The following TRAIP variants were observed in gnomAD, a reference collection of about 807,000 sequenced individuals.
TRAIP encodes the protein E3 ubiquitin-protein ligase TRAIP.
A neutral mutation model predicts 65.0 loss-of-function variants in TRAIP; 37 were observed. The observed-to-expected ratio is 0.57, with a 90% CI of 0.44 to 0.75. TRAIP has a LOEUF of 0.75. Ranked by LOEUF, TRAIP falls within the 30% of genes least tolerant of loss-of-function variation. TRAIP has a pLI of 0.00. For synonymous variants in TRAIP, 187 were observed against 219.1 expected (o/e 0.85, Z 1.29); for missense variants, 481 against 579.4 (o/e 0.83, Z 1.74).
At chr3:49,838,849 G>A (rs887828924) in intron 10 of TRAIP, among the ~76,000 whole-genome samples, 19 of 150,216 alleles carry the variant, frequency 1.3e-4, no homozygotes, top group Non-Finnish European at 1.5e-5. Flanking sequence ...TCGCACCACT[G>A]TACTCCAGTC....
intron 1 of TRAIP, among the ~76,000 whole-genome samples, chr3:49,851,515 A>C (rs930438617): frequency 6.6e-6 from 1 of 152,026 alleles, no homozygotes; most frequent in African/African-American, 2.4e-5. Context: ...CAGCCTTGCA[A>C]GTAGTTGGGA....
At chr3:49,854,136 G>T (rs951748778) in intron 1 of TRAIP, among the ~76,000 whole-genome samples, 11 of 152,264 alleles carry the variant, frequency 7.2e-5, no homozygotes, top group Admixed American at 3.3e-4. Context: ...AAACCAGCCT[G>T]GGCAGCATGG....
At chr3:49,836,055 C>A (rs1237984520) in intron 10 of TRAIP, among the ~76,000 whole-genome samples, 1 of 151,782 alleles carries the variant, frequency 6.6e-6, no homozygotes. Flanking sequence ...CTCCACCTCC[C>A]AGATTCAAGC....
chr3:49,841,953 C>G lies in TRAIP; in HGVS notation c.504-14G>C, dbSNP rs761179044. The G allele has an allele frequency of 6.2e-7, 1 of 1,609,204 alleles. No homozygotes were observed. The highest frequency in any genetic ancestry group is 1.3e-5 in the African/African-American group (1 of 74,788). On this transcript the variant is annotated splice_polypyrimidine_tract_variant and intron_variant, in intron 6 of 14. Transcript: ENST00000331456. ...AGAAGCTCAATCCTGAAAAATACAC[C>G]CAGCCCACGGCATTTGCAATCTGGA...
intron 10 of TRAIP, among the ~76,000 whole-genome samples, chr3:49,832,276 C>T (rs975760715): frequency 3.9e-5 from 6 of 152,050 alleles, no homozygotes; most frequent in South Asian, 4.1e-4. Flanking sequence ...GTGGATCAAG[C>T]GGTCAAGAGA....
chr3:49,848,280 A>G (rs1187594578), intron 1 of TRAIP, 80 bp from the exon 2 acceptor site: 6 of 1,486,188 alleles, frequency 4.0e-6, no homozygotes, highest in African/African-American at 1.4e-5. Flanking sequence ...TCTGACCACG[A>G]AAGGGTCTGT....
chr3:49,831,874 C>A, intron 11 of TRAIP, 42 bp downstream of exon 11: 1 of 1,492,936 alleles, frequency 6.7e-7, no homozygotes, highest in Non-Finnish European at 9.0e-7. Context: ...TCTTAGCTAT[C>A]CCCCTACCAG....
Position 49,836,952 on chromosome 3 carries a change from CTTTTTTTTTTTT to C in TRAIP, c.884+2808_884+2819del, listed in dbSNP as rs397875517. 8.4e-5 allele frequency among the ~76,000 whole-genome samples: 7 copies of C among 83,230 alleles called. No homozygotes were observed. In the South Asian group the frequency reaches 1.1e-3, roughly 13 times the overall value. 54.6% of individuals were successfully genotyped at this position (83,230 alleles called of 152,430 possible). A position where few individuals can be genotyped will look rare whatever the true frequency, so the allele number is the denominator to read the frequency against. On this transcript the variant is annotated intron_variant, in intron 10 of 14. Coordinates refer to ENST00000331456, the MANE Select transcript of TRAIP (RefSeq NM_005879.3). ...TACTCTTCCATCTTCCTTGACATGA[CTTTTTTTTTTTT>C]TTTTTTTTTTTTGAGACAGGTCTCA... is the stretch of plus-strand genomic sequence containing the variant.
At chr3:49,843,767 A>G (rs756893209) in intron 5 of TRAIP, 34 bp downstream of exon 5, 17 of 1,598,178 alleles carry the variant, frequency 1.1e-5, no homozygotes, top group African/African-American at 1.3e-5. Context: ...ATACCTCCCT[A>G]TGAATTCTGT....
At chr3:49,846,822 C>T (rs772514047) in intron 3 of TRAIP, among the ~76,000 whole-genome samples, 4 of 152,166 alleles carry the variant, frequency 2.6e-5, no homozygotes, top group East Asian at 1.9e-4. Flanking sequence ...GAGGATTGCT[C>T]GAGCCCAAGA....
Position 49,832,008 on chromosome 3 carries a change from A to C in TRAIP, c.945T>G (p.Asp315Glu), listed in dbSNP as rs376933772. 4 of 1,607,630 alleles carry C rather than the reference A, an allele frequency of 2.5e-6. No homozygotes were observed. The highest frequency in any genetic ancestry group is 3.4e-6 in the Non-Finnish European group (4 of 1,176,992). Residue 315 changes from aspartate to glutamate, a missense_variant, in exon 11 of 15, where the codon GAT (aspartate) becomes GAG (glutamate). Transcript: ENST00000331456. ...LRRPSFRDDI[D>E]LNATFDVDTP... ...TATCCACATCAAAGGTAGCATTGAG[A>C]TCAATATCATCACGGAAGGATGGCC... is the stretch of plus-strand genomic sequence containing the variant.
chr3:49,839,828 T>C lies in TRAIP; in HGVS notation c.828A>G (p.Glu276=). 3 of 1,614,238 alleles carry C rather than the reference T, an allele frequency of 1.9e-6. No individual in the cohort carries two copies. Among genetic ancestry groups the C allele is most frequent in the Non-Finnish European group, 2.5e-6 (3 of 1,180,036 alleles). ...SLKKKLTMLQ[E]TLNLPPVASE... is the part of the protein sequence containing the mutation. ...TGGCCACTGGTGGCAGGTTCAAGGT[T>C]TCCTGCAGCATCGTTAGCTTCTTTT... Residue 276 remains glutamate (E), a synonymous_variant, in exon 10 of 15, where the codon GAA becomes GAG. Coordinates refer to ENST00000331456, the MANE Select transcript of TRAIP (RefSeq NM_005879.3).
intron 3 of TRAIP, 66 bp from the exon 4 acceptor site, chr3:49,844,646 T>C: frequency 6.3e-7 from 1 of 1,593,492 alleles, no homozygotes; most frequent in Non-Finnish European, 8.6e-7. Flanking sequence ...TGGTCTCCCA[T>C]AAGGCTGTGG....
At position 49,836,990 on chromosome 3, in the gene TRAIP, C is replaced by T. The variant is rs1260289823; in HGVS notation, c.884+2782G>A. ...TTTTTTTTTTTTGAGACAGGTCTCA[C>T]TCTGTCGCCCAGACTAGAGTGCAGT... On this transcript the variant is annotated intron_variant, in intron 10 of 14. Coordinates refer to ENST00000331456, the MANE Select transcript of TRAIP (RefSeq NM_005879.3). 5.3e-5 allele frequency among the ~76,000 whole-genome samples: 7 copies of T among 131,306 alleles called. No homozygotes were observed. The South Asian group carries it at 1.2e-3, about 23-fold the overall frequency. 86.1% of individuals were successfully genotyped at this position (131,306 alleles called of 152,430 possible). A position where few individuals can be genotyped will look rare whatever the true frequency, so the allele number is the denominator to read the frequency against.
intron 1 of TRAIP, among the ~76,000 whole-genome samples, chr3:49,855,029 A>C (rs1291870894): frequency 6.6e-6 from 1 of 152,174 alleles, no homozygotes; most frequent in Non-Finnish European, 1.5e-5. Context: ...GCACCACTGC[A>C]CTGCAGCCTG....
At chr3:49,829,321 G>C (rs958450768) in intron 14 of TRAIP, 96 bp from the exon 15 acceptor site, 3 of 1,611,118 alleles carry the variant, frequency 1.9e-6, no homozygotes, top group Non-Finnish European at 2.5e-6. Flanking sequence ...AGAGCCGGGG[G>C]TGGGCGGCGC....
At chr3:49,851,139 G>A (rs781294737) in intron 1 of TRAIP, among the ~76,000 whole-genome samples, 7 of 151,624 alleles carry the variant, frequency 4.6e-5, no homozygotes, top group Admixed American at 2.6e-4. Flanking sequence ...CACTATGCTC[G>A]GCTAATTTTC....
intron 10 of TRAIP, among the ~76,000 whole-genome samples, chr3:49,837,578 C>G (rs894227245): frequency 6.6e-6 from 1 of 152,066 alleles, no homozygotes; most frequent in African/African-American, 2.4e-5. Context: ...GACCTGCCAC[C>G]GTAATTTTTT....
In TRAIP at chr3:49,828,923, G is replaced by A. The variant is rs1026615556; in HGVS notation, c.*180C>T. 8.1e-5 allele frequency: 63 copies of A among 777,254 alleles called. No individual in the cohort carries two copies. Among genetic ancestry groups the A allele is most frequent in the Admixed American group, 1.8e-4 (8 of 44,800 alleles). 48.1% of individuals were successfully genotyped at this position (777,254 alleles called of 1,614,324 possible). A position where few individuals can be genotyped will look rare whatever the true frequency, so the allele number is the denominator to read the frequency against. On this transcript the variant is annotated 3_prime_UTR_variant, in exon 15 of 15. Transcript: ENST00000331456. ...ATGTCAGCTCCCAGTCGTAGGAGTG[G>A]GGCAGGGTGAGGGCAGGAAGAGCAG...
Sources: gnomAD v4.1 joint callset for allele counts (sites outside exome capture counted in the v4.1 genomes callset) on GRCh38, gnomAD v4.1.1 for gene constraint, MANE v1.5 for transcripts, NCBI Gene and HGNC (gene_info 2026-07-23, HGNC 2026-07-21) for gene names.